MICU1: variants seen among roughly 807,000 people sequenced by gnomAD.
The protein encoded by MICU1 is calcium uptake protein 1, mitochondrial.
Under a neutral mutation model 56.8 loss-of-function variants are expected in MICU1, and 45 were observed. The ratio of observed to expected loss-of-function variants is 0.79; its 90% CI spans 0.62 to 1.02. MICU1 has a LOEUF of 1.02. MICU1 is among the 50% of genes least tolerant of loss of function. The pLI, the probability that MICU1 is intolerant of heterozygous loss-of-function variation, is 0.00. For missense variants in MICU1, 504 were observed against 587.1 expected, an observed-to-expected ratio of 0.86 and a Z score of 1.46; for synonymous variants, 186 against 195.1, an observed-to-expected ratio of 0.95 and a Z score of 0.39.
intron 6 of MICU1, among the ~76,000 whole-genome samples, chr10:72,500,261 CATATATATAT>C (rs869065639): frequency 0.011 from 305 of 28,926 alleles, 1 homozygote; most frequent in African/African-American, 0.023. Context: ...TACATACATA[CATATATATAT>C]ATATATATAT....
chr10:72,623,300 C>CAAA (rs1164753291), intron 1 of MICU1, among the ~76,000 whole-genome samples: 28,120 of 55,752 alleles, frequency 0.5, 8,003 homozygotes, highest in Non-Finnish European at 0.65. Context: ...GACTCCGTCT[C>CAAA]AAAAAAAAAA....
intron 8 of MICU1, among the ~76,000 whole-genome samples, chr10:72,433,421 A>T (rs1283749832): frequency 1.5e-5 from 2 of 137,696 alleles, no homozygotes; most frequent in African/African-American, 5.6e-5. Flanking sequence ...TAATTTTTGT[A>T]TTTTTGTATT....
At chr10:72,505,530 T>C (rs1426415661) in intron 6 of MICU1, among the ~76,000 whole-genome samples, 1 of 152,214 alleles carries the variant, frequency 6.6e-6, no homozygotes, top group Non-Finnish European at 1.5e-5. Context: ...ATCGCAGATT[T>C]ATTCATAATA....
At chr10:72,564,332 G>A (rs548606461) in intron 2 of MICU1, among the ~76,000 whole-genome samples, 86 of 152,210 alleles carry the variant, frequency 5.7e-4, no homozygotes, top group African/African-American at 2.0e-3. Flanking sequence ...CTTGAGGTCA[G>A]GAGTTCGAGA....
At chr10:72,496,317 T>TC (rs1425734551) in intron 6 of MICU1, among the ~76,000 whole-genome samples, 1 of 146,732 alleles carries the variant, frequency 6.8e-6, no homozygotes, top group Non-Finnish European at 1.5e-5. Flanking sequence ...TTTTTTTTTT[T>TC]CCGAGACAGA....
intron 8 of MICU1, among the ~76,000 whole-genome samples, chr10:72,444,164 T>C (rs888376398): frequency 2.0e-5 from 3 of 151,320 alleles, no homozygotes; most frequent in South Asian, 2.1e-4. Context: ...TAGGTGGGAA[T>C]TGAACAATGA....
At chr10:72,523,816 T>C in intron 5 of MICU1, 1 of 1,526,316 alleles carries the variant, frequency 6.6e-7, no homozygotes, top group Non-Finnish European at 8.8e-7. Context: ...AGGAGTGTCC[T>C]TGAAGATCTC....
intron 9 of MICU1, among the ~76,000 whole-genome samples, chr10:72,414,587 T>A (rs1190176444): frequency 6.6e-6 from 1 of 152,220 alleles, no homozygotes; most frequent in Non-Finnish European, 1.5e-5. Flanking sequence ...GATGGAAATG[T>A]TCTAAAACTG....
At chr10:72,465,013 T>C (rs1002485985) in intron 8 of MICU1, among the ~76,000 whole-genome samples, 1 of 152,076 alleles carries the variant, frequency 6.6e-6, no homozygotes, top group African/African-American at 2.4e-5. Context: ...AAAAAAAAAT[T>C]TTTTTGAGAT....
chr10:72,477,085 A>G, intron 7 of MICU1, 89 bp downstream of exon 7: 1 of 961,570 alleles, frequency 1.0e-6, no homozygotes, highest in Non-Finnish European at 1.5e-6. Flanking sequence ...GCCTCTGAGT[A>G]TACTGACCAA....
At chr10:72,487,916 T>C (rs1866526720) in intron 6 of MICU1, among the ~76,000 whole-genome samples, 1 of 151,942 alleles carries the variant, frequency 6.6e-6, no homozygotes, top group African/African-American at 2.4e-5. Flanking sequence ...TGTAAAAAAG[T>C]CTGGATGTGG....
chr10:72,556,820 C>A (rs901672178), intron 3 of MICU1, among the ~76,000 whole-genome samples: 1 of 151,910 alleles, frequency 6.6e-6, no homozygotes, highest in African/African-American at 2.4e-5. Flanking sequence ...AATCCCAGCA[C>A]TTTGGGAGGC....
At chr10:72,588,155 T>C (rs1321894560) in intron 1 of MICU1, among the ~76,000 whole-genome samples, 2 of 152,136 alleles carry the variant, frequency 1.3e-5, no homozygotes, top group African/African-American at 4.8e-5. Flanking sequence ...TGTGTAGTAC[T>C]TCCCCCTCTT....
Position 72,475,021 on chromosome 10 carries a change from G to T in MICU1, c.933+79C>A, listed in dbSNP as rs1040037641. 4.0e-6 allele frequency: 5 copies of T among 1,252,434 alleles called. No homozygotes were observed. In the Middle Eastern group the frequency reaches 6.3e-4, roughly 158 times the overall value. 77.6% of individuals were successfully genotyped at this position (1,252,434 alleles called of 1,614,324 possible). A position where few individuals can be genotyped will look rare whatever the true frequency, so the allele number is the denominator to read the frequency against. On this transcript the variant is annotated intron_variant, in intron 8 of 11. Coordinates refer to ENST00000361114, the MANE Select transcript of MICU1 (RefSeq NM_001195518.2). ...CAGTTCTCACAGCTGGAGGTAAATGGAAAGAATGCCTATAGTACAGGCCCT... is the reference window on the plus strand; with the variant it reads ...CAGTTCTCACAGCTGGAGGTAAATGTAAAGAATGCCTATAGTACAGGCCCT...
intron 1 of MICU1, among the ~76,000 whole-genome samples, chr10:72,622,680 G>C (rs1169242029): frequency 2.0e-5 from 3 of 152,178 alleles, no homozygotes; most frequent in African/African-American, 7.2e-5. Flanking sequence ...AAGGGAACTA[G>C]TGGTTACCTG....
chr10:72,526,093 GT>G (rs1440113537), intron 5 of MICU1, among the ~76,000 whole-genome samples: 3 of 151,810 alleles, frequency 2.0e-5, no homozygotes, highest in Non-Finnish European at 4.4e-5. Flanking sequence ...TTTTTTTAGG[GT>G]TATGGTATAT....
At position 72,514,341 on chromosome 10, in the gene MICU1, C is replaced by CT. The variant is rs201761000; in HGVS notation, c.538-6073dup. Among the ~76,000 whole-genome samples the CT allele has an allele frequency of 8.5e-3, 1,268 of 149,030 alleles. 10 individuals are homozygous for CT. The highest frequency in any genetic ancestry group is 0.022 in the African/African-American group (878 of 40,638). ...GCCTCCTCAAGGATACTCCCTATTT[C>CT]TTTTTTTTTTCTTTCTGTGATTGGG... On this transcript the variant is annotated intron_variant, in intron 5 of 11. Transcript: ENST00000361114.
intron 9 of MICU1, among the ~76,000 whole-genome samples, chr10:72,414,589 C>A (rs1863923224): frequency 6.6e-6 from 1 of 152,102 alleles, no homozygotes; most frequent in Non-Finnish European, 1.5e-5. Context: ...TGGAAATGTT[C>A]TAAAACTGAA....
intron 2 of MICU1, 148 bp downstream of exon 2, chr10:72,566,485 A>G: frequency 1.2e-6 from 1 of 815,686 alleles, no homozygotes; most frequent in Non-Finnish European, 1.9e-6. Context: ...GAAACATCTT[A>G]TTTCATAGAC....
Sources: allele counts gnomAD v4.1 joint callset (sites outside exome capture counted in the v4.1 genomes callset), GRCh38; gene constraint gnomAD v4.1.1; transcripts MANE v1.5; gene names NCBI Gene and HGNC (gene_info 2026-07-23, HGNC 2026-07-21).